The following SERPINC1 variants were observed in gnomAD, a reference collection of about 807,000 sequenced individuals.
The protein encoded by SERPINC1 is serpin family C member 1.
Under a neutral mutation model 43.4 loss-of-function variants are expected in SERPINC1, and 12 were observed. The ratio of observed to expected loss-of-function variants is 0.28; its 90% CI spans 0.18 to 0.45. The LOEUF is 0.45. SERPINC1 is among the 20% of genes least tolerant of loss of function. The pLI, the probability that SERPINC1 is intolerant of heterozygous loss-of-function variation, is 1.00. For synonymous variants in SERPINC1, 210 were observed against 218.9 expected, an observed-to-expected ratio of 0.96 and a Z score of 0.36; for missense variants, 423 against 578.8, an observed-to-expected ratio of 0.73 and a Z score of 2.76.
chr1:173,912,684 C>G (rs1037790453), intron 2 of SERPINC1, among the ~76,000 whole-genome samples: 2 of 152,046 alleles, frequency 1.3e-5, no homozygotes, highest in African/African-American at 4.8e-5. Flanking sequence ...CCAATAGGCA[C>G]TTTTTTTAGG....
chr1:173,909,676 C>A lies in SERPINC1; in HGVS notation c.1029G>T (p.Leu343Phe), dbSNP rs745357314. The part of the protein sequence containing the change: ...PEVLQEWLDE[L>F]EEMMLVVHMP... ...TGTGGACCACCAGCATCATCTCCTC[C>A]AATTCATCCAGCCACTCTTGCAGCA... is the stretch of plus-strand genomic sequence containing the variant. The change falls in exon 5 of 7, where the codon TTG (leucine) becomes TTT (phenylalanine). Residue 343 changes from leucine to phenylalanine, a missense_variant. Leu to Phe is a conservative substitution (Grantham distance 22, BLOSUM62 0). Coordinates refer to ENST00000367698, the MANE Select transcript of SERPINC1 (RefSeq NM_000488.4). 6.2e-7 allele frequency: 1 copy of A among 1,613,888 alleles called. No homozygotes were observed. The highest frequency in any genetic ancestry group is 8.5e-7 in the Non-Finnish European group (1 of 1,179,812).
chr1:173,904,450 C>G (rs1657402006), intron 6 of SERPINC1, among the ~76,000 whole-genome samples: 1 of 152,116 alleles, frequency 6.6e-6, no homozygotes, highest in African/African-American at 2.4e-5. Context: ...GAAACAGTTT[C>G]ACTCTTGGAG....
At chr1:173,908,026 T>A (rs112250633) in intron 5 of SERPINC1, among the ~76,000 whole-genome samples, 10 of 142,852 alleles carry the variant, frequency 7.0e-5, no homozygotes, top group South Asian at 2.2e-4. Context: ...ATAATAATAA[T>A]AAAAGTACTT....
At chr1:173,909,436 GATCAGT>G in intron 5 of SERPINC1, 110 bp downstream of exon 5, 9 of 1,021,712 alleles carry the variant, frequency 8.8e-6, no homozygotes, top group Non-Finnish European at 1.2e-5. Context: ...TAGAAACTAG[GATCAGT>G]ATCCAGGAGT....
chr1:173,909,515 C>A (rs780507091), intron 5 of SERPINC1, 37 bp downstream of exon 5: 2 of 1,609,304 alleles, frequency 1.2e-6, no homozygotes, highest in Non-Finnish European at 8.5e-7. Flanking sequence ...GACTACCTTG[C>A]GGGTGGAGAA....
chr1:173,915,040 T>TA lies in SERPINC1; in HGVS notation c.42-122dup. ...CACCTGGTGTGGCCAAGAGAAAGGC[T>TA]AAATCCTTTGAACCAAGTACAGGGG... On this transcript the variant is annotated intron_variant, in intron 1 of 6. Coordinates refer to ENST00000367698, the MANE Select transcript of SERPINC1 (RefSeq NM_000488.4). The TA allele has an allele frequency of 2.0e-6, 3 of 1,533,992 alleles. No homozygotes were observed. In the South Asian group the frequency reaches 3.6e-5, roughly 18 times the overall value.
chr1:173,904,733 G>A (rs1188970020), intron 6 of SERPINC1, among the ~76,000 whole-genome samples: 1 of 152,148 alleles, frequency 6.6e-6, no homozygotes, highest in Non-Finnish European at 1.5e-5. Flanking sequence ...GGTTGATGAT[G>A]TCTTCTCCTT....
chr1:173,906,095 C>A (rs1464262025), intron 6 of SERPINC1, among the ~76,000 whole-genome samples: 1 of 151,088 alleles, frequency 6.6e-6, no homozygotes, highest in East Asian at 1.9e-4. Flanking sequence ...AATCTCCTAT[C>A]CCTCACAGCC....
rs121909550 is a variant in SERPINC1 at position 173,904,007 on chromosome 1, G to C, written c.1277C>G (p.Ser426Trp). 6.2e-7 allele frequency: 1 copy of C among 1,614,022 alleles called. No homozygotes were observed. The highest frequency in any genetic ancestry group is 1.3e-5 in the African/African-American group (1 of 74,914). The change falls in exon 7 of 7, where the codon TCG (serine) becomes TGG (tryptophan). Residue 426 changes from serine (S) to tryptophan (W), a missense_variant. Transcript: ENST00000367698. Reference protein sequence around the residue: ...ASTAVVIAGRSLNPNRVTFKA... With the variant: ...ASTAVVIAGRWLNPNRVTFKA... ...GAAAGTCACCCTGTTGGGGTTTAGC[G>C]AACGGCCAGCAATCACAACAGCGGT...
At position 173,917,244 on chromosome 1, in the gene SERPINC1, T is replaced by A; in HGVS notation, c.16A>T (p.Ile6Leu). ...CTTTTTCCAGAGGTTACAGTTCCTATCACATTGGAATACATGGCCGCTAAT... is the reference window on the plus strand; with the variant it reads ...CTTTTTCCAGAGGTTACAGTTCCTAACACATTGGAATACATGGCCGCTAAT... MYSNV[I>L]GTVTSGKRKV... The change falls in exon 1 of 7, where the codon ATA becomes TTA. Residue 6 changes from isoleucine to leucine, a missense_variant. Transcript: ENST00000367698. 1 of 1,614,040 alleles carries A rather than the reference T, an allele frequency of 6.2e-7. No individual in the cohort carries two copies. Among genetic ancestry groups the A allele is most frequent in the Middle Eastern group, 1.7e-4 (1 of 6,050 alleles).
intron 1 of SERPINC1, 25 bp downstream of exon 1, chr1:173,917,194 C>T: frequency 6.2e-7 from 1 of 1,609,644 alleles, no homozygotes; most frequent in Non-Finnish European, 8.5e-7. Flanking sequence ...TAGGGGCAGG[C>T]AAGGGGAAAG....
chr1:173,905,016 G>T (rs750724388), intron 6 of SERPINC1, among the ~76,000 whole-genome samples: 1 of 152,110 alleles, frequency 6.6e-6, no homozygotes. Flanking sequence ...CTTACATATT[G>T]TGTACTGGGC....
At chr1:173,907,578 G>T in intron 5 of SERPINC1, 64 bp from the exon 6 acceptor site, 1 of 1,168,110 alleles carries the variant, frequency 8.6e-7, no homozygotes, top group South Asian at 1.2e-5. Flanking sequence ...CCACAGATGG[G>T]AATTCAGTTT....
chr1:173,907,040 C>T (rs1657547127), intron 6 of SERPINC1, among the ~76,000 whole-genome samples: 2 of 151,910 alleles, frequency 1.3e-5, no homozygotes, highest in Admixed American at 1.3e-4. Context: ...ATCGCTTGAA[C>T]GCGGGAGGCA....
chr1:173,904,258 G>C (rs887842149), intron 6 of SERPINC1, among the ~76,000 whole-genome samples, 193 bp from the exon 7 acceptor site: 1 of 152,214 alleles, frequency 6.6e-6, no homozygotes, highest in Admixed American at 6.5e-5. Flanking sequence ...AGGTACTTGT[G>C]TTTGTCCAAG....
Position 173,914,744 on chromosome 1 carries a change from G to A in SERPINC1, c.217C>T (p.Pro73Ser). Residue 73 changes from proline to serine, a missense_variant, in exon 2 of 7, where the codon CCG becomes TCG. Pro to Ser is a moderately conservative substitution (Grantham distance 74, BLOSUM62 -1). Transcript: ENST00000367698. Reference sequence around the variant, plus strand: ...CAGACACGCCGGTTGGTGGCCTCCGGGATCTTCTGTTCTGAGCCCTCATCC... The same window carrying A: ...CAGACACGCCGGTTGGTGGCCTCCGAGATCTTCTGTTCTGAGCCCTCATCC... ...TEDEGSEQKI[P>S]EATNRRVWEL... is the part of the protein sequence containing the mutation. The A allele has an allele frequency of 6.2e-7, 1 of 1,614,214 alleles. No homozygotes were observed. Among genetic ancestry groups the A allele is most frequent in the Non-Finnish European group, 8.5e-7 (1 of 1,180,038 alleles).
chr1:173,915,081 G>C, intron 1 of SERPINC1, 162 bp from the exon 2 acceptor site: 1 of 1,485,742 alleles, frequency 6.7e-7, no homozygotes, highest in African/African-American at 1.4e-5. Flanking sequence ...GACAGGTTCA[G>C]TCCTAGACTT....
intron 6 of SERPINC1, among the ~76,000 whole-genome samples, chr1:173,906,139 T>C (rs779227307): frequency 2.6e-5 from 4 of 152,186 alleles, no homozygotes; most frequent in Non-Finnish European, 5.9e-5. Context: ...TACCAGTGGT[T>C]CCCAAATCTC....
intron 5 of SERPINC1, among the ~76,000 whole-genome samples, chr1:173,907,926 A>T (rs1475566696): frequency 6.6e-6 from 1 of 151,218 alleles, no homozygotes; most frequent in African/African-American, 2.4e-5. Context: ...GGTTGCAGTG[A>T]GCCAAGATCA....
Sources: allele counts gnomAD v4.1 joint callset (sites outside exome capture counted in the v4.1 genomes callset), GRCh38; gene constraint gnomAD v4.1.1; transcripts MANE v1.5; gene names NCBI Gene and HGNC (gene_info 2026-07-23, HGNC 2026-07-21).